CPQ: variants seen among roughly 807,000 people sequenced by gnomAD.
CPQ encodes carboxypeptidase Q.
Under a neutral mutation model 45.7 loss-of-function variants are expected in CPQ, and 37 were observed. That is an observed-to-expected ratio of 0.81 (90% confidence interval 0.62 to 1.07). The LOEUF is 1.07. Ranked by LOEUF, CPQ falls within the 50% of genes least tolerant of loss-of-function variation. CPQ has a pLI of 0.00. For missense variants in CPQ, 537 were observed against 572.9 expected (o/e 0.94, Z 0.64); for synonymous variants, 186 against 205.8 (o/e 0.90, Z 0.82).
At chr8:96,692,953 A>G (rs907828305) in intron 1 of CPQ, among the ~76,000 whole-genome samples, 3 of 152,146 alleles carry the variant, frequency 2.0e-5, no homozygotes, top group Admixed American at 6.6e-5. Context: ...TTGATAAGGA[A>G]TTCAGAATCC....
At chr8:96,672,841 A>T (rs528714601) in intron 1 of CPQ, among the ~76,000 whole-genome samples, 11 of 151,896 alleles carry the variant, frequency 7.2e-5, no homozygotes, top group South Asian at 2.1e-4. Flanking sequence ...TTTCTTTAAA[A>T]TTTTTTTTTA....
intron 1 of CPQ, among the ~76,000 whole-genome samples, chr8:96,711,742 T>C (rs1292688448): frequency 1.3e-5 from 2 of 152,102 alleles, no homozygotes; most frequent in African/African-American, 4.8e-5. Flanking sequence ...CACATAGGGA[T>C]TATGGGAACT....
At chr8:96,817,688 A>G (rs1470342337) in intron 2 of CPQ, among the ~76,000 whole-genome samples, 1 of 151,532 alleles carries the variant, frequency 6.6e-6, no homozygotes, top group East Asian at 1.9e-4. Context: ...ATCCTGGCTC[A>G]CTGCAGCCTT....
At chr8:97,085,626 T>C (rs1811028161) in intron 7 of CPQ, among the ~76,000 whole-genome samples, 1 of 152,196 alleles carries the variant, frequency 6.6e-6, no homozygotes, top group African/African-American at 2.4e-5. Context: ...AAATATTTAA[T>C]ATTGGGTATG....
chr8:97,006,324 C>T (rs189067812), intron 5 of CPQ, among the ~76,000 whole-genome samples: 1 of 152,196 alleles, frequency 6.6e-6, no homozygotes, highest in Non-Finnish European at 1.5e-5. Context: ...TGTCTATGTC[C>T]TGCCATTTCT....
chr8:96,859,799 A>G (rs776044348), intron 3 of CPQ, among the ~76,000 whole-genome samples: 1 of 152,024 alleles, frequency 6.6e-6, no homozygotes, highest in Non-Finnish European at 1.5e-5. Context: ...TTATTTGGCC[A>G]TTTCCCTGTT....
intron 1 of CPQ, among the ~76,000 whole-genome samples, chr8:96,765,052 T>C (rs949638620): frequency 2.2e-4 from 33 of 152,208 alleles, no homozygotes; most frequent in African/African-American, 7.5e-4. Flanking sequence ...GAATAGTAAC[T>C]AGAAGCAGAT....
intron 6 of CPQ, among the ~76,000 whole-genome samples, chr8:97,043,813 C>T (rs1273056453): frequency 1.3e-5 from 2 of 152,158 alleles, no homozygotes; most frequent in Non-Finnish European, 2.9e-5. Context: ...ATATTGGCCC[C>T]CACTCTCTTC....
At chr8:96,658,848 T>C (rs1815666237) in intron 1 of CPQ, among the ~76,000 whole-genome samples, 1 of 152,142 alleles carries the variant, frequency 6.6e-6, no homozygotes, top group Non-Finnish European at 1.5e-5. Flanking sequence ...AGCAAGGAAA[T>C]AGATTCTCTC....
At chr8:96,732,741 T>A (rs1271254594) in intron 1 of CPQ, among the ~76,000 whole-genome samples, 4 of 152,168 alleles carry the variant, frequency 2.6e-5, no homozygotes, top group Admixed American at 2.6e-4. Flanking sequence ...TACTGCTGCC[T>A]CTTTCTCACA....
intron 1 of CPQ, among the ~76,000 whole-genome samples, chr8:96,670,693 C>A (rs1268892020): frequency 1.3e-5 from 2 of 151,636 alleles, no homozygotes; most frequent in Non-Finnish European, 2.9e-5. Context: ...TACTACTCAG[C>A]AATAAAGAGG....
intron 1 of CPQ, among the ~76,000 whole-genome samples, chr8:96,717,069 A>ACG (rs1809689980): frequency 1.9e-5 from 2 of 106,036 alleles, no homozygotes; most frequent in South Asian, 2.9e-4. Context: ...ATATATATAT[A>ACG]TATATATACG....
At chr8:97,011,738 G>A (rs1476811033) in intron 5 of CPQ, among the ~76,000 whole-genome samples, 1 of 152,132 alleles carries the variant, frequency 6.6e-6, no homozygotes, top group East Asian at 1.9e-4. Flanking sequence ...AAAATTATAT[G>A]AGCTATTATC....
chr8:96,980,321 C>T (rs1429782422), intron 5 of CPQ, among the ~76,000 whole-genome samples: 4 of 152,034 alleles, frequency 2.6e-5, no homozygotes, highest in Admixed American at 1.3e-4. Flanking sequence ...TTGGTAGAGA[C>T]GGGGTTTCAC....
chr8:96,706,615 A>G lies in CPQ; in HGVS notation c.-35+61213A>G, dbSNP rs545571889. ...AGGCATGCATTTAAAGTGACAGCTTAATGTTAAAATGGGAAGTTATGATTC... is the reference window on the plus strand; with the variant it reads ...AGGCATGCATTTAAAGTGACAGCTTGATGTTAAAATGGGAAGTTATGATTC... On this transcript the variant is annotated intron_variant, in intron 1 of 7. Coordinates refer to ENST00000220763, the MANE Select transcript of CPQ (RefSeq NM_016134.4). 9.2e-5 allele frequency among the ~76,000 whole-genome samples: 14 copies of G among 152,298 alleles called. 1 individual carries two copies. The South Asian group carries it at 2.9e-3, about 32-fold the overall frequency.
At chr8:96,737,622 A>C (rs536633600) in intron 1 of CPQ, among the ~76,000 whole-genome samples, 4 of 151,998 alleles carry the variant, frequency 2.6e-5, no homozygotes, top group Non-Finnish European at 5.9e-5. Flanking sequence ...TTAAGGGTGG[A>C]TCTGCCTTCC....
chr8:96,950,201 C>T (rs777408889), intron 4 of CPQ, among the ~76,000 whole-genome samples: 2 of 151,906 alleles, frequency 1.3e-5, no homozygotes, highest in Non-Finnish European at 2.9e-5. Context: ...ACACAGTAGT[C>T]GAGAATAAAC....
chr8:97,032,298 CCTTTAAAAACATGG>C (rs1809921190), intron 6 of CPQ, among the ~76,000 whole-genome samples: 1 of 152,148 alleles, frequency 6.6e-6, no homozygotes, highest in Admixed American at 6.5e-5. Context: ...GCTGACATAC[CCTTTAAAAACATGG>C]CTTTAATATG....
chr8:96,710,499 T>C (rs1809592541), intron 1 of CPQ, among the ~76,000 whole-genome samples: 1 of 152,184 alleles, frequency 6.6e-6, no homozygotes, highest in Non-Finnish European at 1.5e-5. Flanking sequence ...ATAATTTTCC[T>C]CTTAGCACTG....
Sources: gnomAD v4.1 joint callset for allele counts (sites outside exome capture counted in the v4.1 genomes callset) on GRCh38, gnomAD v4.1.1 for gene constraint, MANE v1.5 for transcripts, NCBI Gene and HGNC (gene_info 2026-07-23, HGNC 2026-07-21) for gene names.